Variants in PRKDC observed in about 807,000 individuals in gnomAD.
PRKDC encodes the protein DNA-dependent protein kinase catalytic subunit.
A neutral mutation model predicts 486.9 loss-of-function variants in PRKDC; 82 were observed. The observed-to-expected ratio is 0.17, with a 90% CI of 0.14 to 0.20. The LOEUF is 0.20. Among genes scored for constraint, PRKDC ranks in the 10% least tolerant of loss-of-function variants. The probability of loss-of-function intolerance (pLI) is 1.00; values close to 1 mark genes in which losing one functional copy is unlikely to be tolerated. For synonymous variants in PRKDC, 1,895 were observed against 1,837.0 expected (o/e 1.03, Z -0.81); for missense variants, 4,504 against 5,038.2 (o/e 0.89, Z 3.21).
Position 47,932,508 on chromosome 8 carries a change from C to T in PRKDC, c.1776+512G>A, listed in dbSNP as rs541181528. 3.3e-5 allele frequency among the ~76,000 whole-genome samples: 5 copies of T among 152,282 alleles called. No homozygotes were observed. The South Asian group carries it at 8.3e-4, about 25-fold the overall frequency. On this transcript the variant is annotated intron_variant, in intron 16 of 85. Transcript: ENST00000314191. ...CTGGGATTACAGGTTTCAGCTACCG[C>T]GCCAGGCCTAAGCCATGACTTATCT...
At position 47,857,124 on chromosome 8, in the gene PRKDC, T is replaced by C. The variant is rs376192872; in HGVS notation, c.6609+32A>G. 1.8e-5 allele frequency: 29 copies of C among 1,603,884 alleles called. No individual in the cohort carries two copies. In the African/African-American group the frequency reaches 3.5e-4, roughly 19 times the overall value. ...TCTATAGGCTATTGGCAAAGGATAA[T>C]ATATTAACATAAAAGATGCATCAAT... On this transcript the variant is annotated intron_variant, in intron 49 of 85. Coordinates refer to ENST00000314191, the MANE Select transcript of PRKDC (RefSeq NM_006904.7).
Position 47,789,158 on chromosome 8 carries a change from A to G in PRKDC, c.10751T>C (p.Leu3584Pro), listed in dbSNP as rs776146501. 1.2e-6 allele frequency: 2 copies of G among 1,613,338 alleles called. No homozygotes were observed. Among genetic ancestry groups the G allele is most frequent in the Admixed American group, 1.7e-5 (1 of 59,976 alleles). The change falls in exon 75 of 86, where the codon CTC becomes CCC. Residue 3584 changes from leucine (L) to proline (P), a missense_variant. Coordinates refer to ENST00000314191, the MANE Select transcript of PRKDC (RefSeq NM_006904.7). ...ALDQLSNPEL[L>P]FKDWSNDVRA... Reference sequence around the variant, plus strand: ...AAGCCGTTCTATCATTACCTTAAAGAGCAGTTCAGGATTAGAGAGCTGATC... The same window carrying G: ...AAGCCGTTCTATCATTACCTTAAAGGGCAGTTCAGGATTAGAGAGCTGATC...
At chr8:47,855,075 C>CTGGA in intron 50 of PRKDC, 147 bp downstream of exon 50, 2 of 894,402 alleles carry the variant, frequency 2.2e-6, no homozygotes, top group African/African-American at 1.7e-5. Flanking sequence ...GTGCCACACT[C>CTGGA]TGGAGGCTGT....
At chr8:47,891,438 C>A (rs2089453626) in intron 31 of PRKDC, among the ~76,000 whole-genome samples, 1 of 152,080 alleles carries the variant, frequency 6.6e-6, no homozygotes, top group Non-Finnish European at 1.5e-5. Flanking sequence ...GAATTATTCT[C>A]AGCCGGGCGC....
At chr8:47,885,888 T>A (rs1260645078) in intron 36 of PRKDC, 56 bp downstream of exon 36, 1 of 1,544,680 alleles carries the variant, frequency 6.5e-7, no homozygotes, top group Non-Finnish European at 8.9e-7. Flanking sequence ...CAAGACTCTG[T>A]CTCAAACAAA....
chr8:47,874,068 C>T (rs535452730), intron 40 of PRKDC, among the ~76,000 whole-genome samples: 16 of 150,388 alleles, frequency 1.1e-4, no homozygotes, highest in Non-Finnish European at 1.6e-4. Flanking sequence ...CTCAGCCTCC[C>T]GGGTAGCTGG....
Position 47,941,096 on chromosome 8 carries a change from CTCCAGCCTGGGTGACAGAGCAA to C in PRKDC, c.967-1421_967-1400del, listed in dbSNP as rs1403151856. Reference sequence around the variant, plus strand: ...AGTAACCCAAGCTTGCGCTACTGCACTCCAGCCTGGGTGACAGAGCAAAACTCCATCTCAAAAAAAAAAAAAA... The same window carrying C: ...AGTAACCCAAGCTTGCGCTACTGCACAACTCCATCTCAAAAAAAAAAAAAA... On this transcript the variant is annotated intron_variant, in intron 10 of 85. Transcript: ENST00000314191. Among the ~76,000 whole-genome samples the C allele has an allele frequency of 2.7e-5, 4 of 150,232 alleles. No individual in the cohort carries two copies. The East Asian group carries it at 5.9e-4, about 22-fold the overall frequency.
intron 1 of PRKDC, among the ~76,000 whole-genome samples, chr8:47,959,535 C>A (rs1348690145): frequency 6.6e-6 from 1 of 151,834 alleles, no homozygotes; most frequent in Non-Finnish European, 1.5e-5. Context: ...AAAAATTAGC[C>A]GGGCGTGGTG....
chr8:47,943,473 T>C (rs1442900835), intron 9 of PRKDC, 107 bp from the exon 10 acceptor site: 7 of 1,167,864 alleles, frequency 6.0e-6, no homozygotes, highest in South Asian at 1.7e-5. Flanking sequence ...CTCAGGAAGA[T>C]CTAGTACCAT....
chr8:47,801,968 G>A (rs1049942271), intron 70 of PRKDC, among the ~76,000 whole-genome samples: 1 of 152,116 alleles, frequency 6.6e-6, no homozygotes, highest in Non-Finnish European at 1.5e-5. Flanking sequence ...ATTATTATAT[G>A]GGTATATGGA....
At chr8:47,939,755 A>C (rs2090411745) in intron 10 of PRKDC, 58 bp from the exon 11 acceptor site, 6 of 1,343,352 alleles carry the variant, frequency 4.5e-6, no homozygotes, top group Non-Finnish European at 6.0e-6. Flanking sequence ...GAATCTATAC[A>C]AACATGGAAA....
chr8:47,815,454 CTAAAACCA>C (rs1348408885), intron 68 of PRKDC, among the ~76,000 whole-genome samples: 1 of 152,126 alleles, frequency 6.6e-6, no homozygotes, highest in East Asian at 1.9e-4. Flanking sequence ...AATGTAAGAC[CTAAAACCA>C]TAACATTTCT....
In PRKDC at chr8:47,893,263, G is replaced by A. The variant is rs773205939; in HGVS notation, c.3723C>T (p.Leu1241=). ...GGCTGAATGGCCCCCGAAGGTACAA[G>A]AGGGTGGGCTGGGCCAGGATGCCCG... is the stretch of plus-strand genomic sequence containing the variant. ...QPSGILAQPT[L]LYLRGPFSLQ... is the part of the protein sequence containing the mutation. The change falls in exon 31 of 86, where the codon CTC becomes CTT. Residue 1241 remains leucine (L), a synonymous_variant. Coordinates refer to ENST00000314191, the MANE Select transcript of PRKDC (RefSeq NM_006904.7). 3.1e-6 allele frequency: 5 copies of A among 1,612,330 alleles called. No individual in the cohort carries two copies. The South Asian group carries it at 5.5e-5, about 18-fold the overall frequency.
intron 11 of PRKDC, among the ~76,000 whole-genome samples, chr8:47,938,193 G>A (rs1419070289): frequency 1.3e-5 from 2 of 151,844 alleles, no homozygotes; most frequent in Non-Finnish European, 2.9e-5. Flanking sequence ...GATCACCTGA[G>A]GTCGGGAGTT....
intron 73 of PRKDC, 83 bp downstream of exon 73, chr8:47,798,154 C>T (rs970113519): frequency 1.4e-6 from 2 of 1,415,022 alleles, no homozygotes; most frequent in South Asian, 2.7e-5. Context: ...ATGCACTGCA[C>T]ACACTAACGC....
rs1419279850 is a variant in PRKDC, at chr8:47,821,087, A to C, written c.9112-144T>G. On this transcript the variant is annotated intron_variant, in intron 65 of 85. Coordinates refer to ENST00000314191, the MANE Select transcript of PRKDC (RefSeq NM_006904.7). ...ATGATGTTTGATGTCTGAAACAGTA[A>C]ACCTCCAATTTTTAAAACAAATTCA... The C allele has an allele frequency of 2.9e-5, 15 of 519,358 alleles. No individual in the cohort carries two copies. The Admixed American group carries it at 3.7e-4, about 13-fold the overall frequency. The allele number at this position is 519,358 out of a possible 1,614,324, so 32.2% of individuals were successfully genotyped here.
chr8:47,797,743 G>A (rs1387589722), intron 73 of PRKDC, among the ~76,000 whole-genome samples: 1 of 152,230 alleles, frequency 6.6e-6, no homozygotes, highest in East Asian at 1.9e-4. Context: ...AGGTCACATG[G>A]AAGGGTGCGG....
intron 73 of PRKDC, among the ~76,000 whole-genome samples, chr8:47,795,293 C>T (rs1370598442): frequency 2.7e-5 from 4 of 149,178 alleles, no homozygotes; most frequent in Non-Finnish European, 5.9e-5. Context: ...AGGTTTACGC[C>T]ATTCTCCTAC....
chr8:47,849,975 CTG>C (rs771486662), intron 52 of PRKDC, among the ~76,000 whole-genome samples: 7 of 152,232 alleles, frequency 4.6e-5, no homozygotes, highest in Non-Finnish European at 8.8e-5. Flanking sequence ...GTCCCCATCA[CTG>C]TACTGTCTGC....
Sources: allele counts gnomAD v4.1 joint callset (sites outside exome capture counted in the v4.1 genomes callset), GRCh38; gene constraint gnomAD v4.1.1; transcripts MANE v1.5; gene names NCBI Gene and HGNC (gene_info 2026-07-23, HGNC 2026-07-21).